TRPC4: variants seen among roughly 807,000 people sequenced by gnomAD.
TRPC4 encodes transient receptor potential cation channel subfamily C member 4, also known as short transient receptor potential channel 4.
A neutral mutation model predicts 99.4 loss-of-function variants in TRPC4; 49 were observed. The observed-to-expected ratio is 0.49, with a 90% CI of 0.39 to 0.63. The LOEUF is 0.63. TRPC4 is among the 20% of genes least tolerant of loss of function. The pLI is 0.00. For missense variants in TRPC4, 898 were observed against 1,152.9 expected, an observed-to-expected ratio of 0.78 and a Z score of 3.20; for synonymous variants, 454 against 425.9, an observed-to-expected ratio of 1.07 and a Z score of -0.81.
chr13:37,802,305 C>T (rs2139435387), intron 1 of TRPC4, among the ~76,000 whole-genome samples: 1 of 152,128 alleles, frequency 6.6e-6, no homozygotes, highest in African/African-American at 2.4e-5. Flanking sequence ...TTATTTTTGT[C>T]TAATATTTTT....
At chr13:37,812,197 C>CAAAAA (rs1156963631) in intron 1 of TRPC4, among the ~76,000 whole-genome samples, 1,181 of 111,076 alleles carry the variant, frequency 0.011, 55 homozygotes, top group Middle Eastern at 0.021. Flanking sequence ...AAAAAAAAAC[C>CAAAAA]AGGAGATCTA....
chr13:37,859,044 C>T (rs1344965254), intron 1 of TRPC4, among the ~76,000 whole-genome samples: 2 of 150,974 alleles, frequency 1.3e-5, no homozygotes, highest in Admixed American at 6.6e-5. Context: ...TCTTGTACCC[C>T]ATAAATACAT....
chr13:37,788,231 C>A (rs1466183298), intron 1 of TRPC4, among the ~76,000 whole-genome samples: 1 of 152,088 alleles, frequency 6.6e-6, no homozygotes, highest in Non-Finnish European at 1.5e-5. Context: ...CCTTCACTCT[C>A]TTTCATACCT....
intron 3 of TRPC4, among the ~76,000 whole-genome samples, chr13:37,736,889 T>C (rs1955413755): frequency 1.5e-5 from 2 of 137,914 alleles, no homozygotes; most frequent in Admixed American, 7.4e-5. Flanking sequence ...CCACTATGCC[T>C]GGCTAATTTT....
intron 4 of TRPC4, among the ~76,000 whole-genome samples, chr13:37,684,384 GATGCC>G: frequency 6.6e-6 from 1 of 152,210 alleles, no homozygotes; most frequent in South Asian, 2.1e-4. Context: ...ACCAAGAAAG[GATGCC>G]ATGTTAGTTT....
intron 5 of TRPC4, among the ~76,000 whole-genome samples, chr13:37,670,377 T>C (rs1368244506): frequency 6.6e-6 from 1 of 152,202 alleles, no homozygotes; most frequent in East Asian, 1.9e-4. Context: ...TCCAGTTCCA[T>C]GACTTAACCA....
intron 1 of TRPC4, among the ~76,000 whole-genome samples, chr13:37,848,863 G>A (rs1223088740): frequency 6.6e-6 from 1 of 152,178 alleles, no homozygotes; most frequent in African/African-American, 2.4e-5. Context: ...GCTTTTGTAG[G>A]TCTATGAAGT....
At chr13:37,642,164 C>T (rs1951734676) in intron 8 of TRPC4, among the ~76,000 whole-genome samples, 1 of 152,054 alleles carries the variant, frequency 6.6e-6, no homozygotes, top group Admixed American at 6.6e-5. Flanking sequence ...TAAGAGAATA[C>T]TTCTGGTAAA....
intron 1 of TRPC4, among the ~76,000 whole-genome samples, chr13:37,865,699 A>G (rs141054587): frequency 6.6e-6 from 1 of 151,902 alleles, no homozygotes; most frequent in East Asian, 1.9e-4. Flanking sequence ...TTAAAAGATT[A>G]TTGATTGTAT....
rs748011538 is a variant in TRPC4, at chr13:37,639,252, A to G, written c.2121+6T>C. The G allele has an allele frequency of 4.3e-6, 7 of 1,613,662 alleles. No individual in the cohort carries two copies. The highest frequency in any genetic ancestry group is 3.3e-5 in the Admixed American group (2 of 59,978). Reference sequence around the variant, plus strand: ...AATTTCAAGACATAGTACAAGGACAACTTACTTGGTATTGGTGATGTCTTC... The same window carrying G: ...AATTTCAAGACATAGTACAAGGACAGCTTACTTGGTATTGGTGATGTCTTC... On this transcript the variant is annotated splice_donor_region_variant and intron_variant, in intron 9 of 10. Coordinates refer to ENST00000379705, the MANE Select transcript of TRPC4 (RefSeq NM_016179.4).
chr13:37,750,228 C>T (rs1456572798), intron 2 of TRPC4, among the ~76,000 whole-genome samples: 1 of 152,016 alleles, frequency 6.6e-6, no homozygotes, highest in African/African-American at 2.4e-5. Context: ...TTGTTAATGA[C>T]ATTTTTATGG....
At chr13:37,658,480 G>A (rs1593451079) in intron 6 of TRPC4, among the ~76,000 whole-genome samples, 1 of 152,064 alleles carries the variant, frequency 6.6e-6, no homozygotes, top group Non-Finnish European at 1.5e-5. Flanking sequence ...AAAACAATGA[G>A]CAAACATAAA....
chr13:37,680,466 A>G (rs1226586135), intron 4 of TRPC4, among the ~76,000 whole-genome samples: 2 of 152,188 alleles, frequency 1.3e-5, no homozygotes, highest in East Asian at 1.9e-4. Flanking sequence ...TGGCTTTTAC[A>G]AAGTATGATT....
intron 1 of TRPC4, among the ~76,000 whole-genome samples, chr13:37,833,381 T>C (rs1479191274): frequency 6.6e-6 from 1 of 152,204 alleles, no homozygotes; most frequent in Non-Finnish European, 1.5e-5. Flanking sequence ...ATTCACCTGA[T>C]TGAAAAGTAC....
intron 1 of TRPC4, among the ~76,000 whole-genome samples, chr13:37,859,713 A>G (rs1959213772): frequency 6.6e-6 from 1 of 151,490 alleles, no homozygotes; most frequent in South Asian, 2.1e-4. Flanking sequence ...TAGTCAACAT[A>G]CAATGAAATG....
intron 1 of TRPC4, among the ~76,000 whole-genome samples, chr13:37,802,982 A>G (rs1957442455): frequency 6.6e-6 from 1 of 151,814 alleles, no homozygotes; most frequent in African/African-American, 2.4e-5. Context: ...TTATTTATTT[A>G]TCCATATCAT....
At chr13:37,678,381 C>CA (rs1038298829) in intron 4 of TRPC4, among the ~76,000 whole-genome samples, 2 of 151,228 alleles carry the variant, frequency 1.3e-5, no homozygotes, top group African/African-American at 4.9e-5. Context: ...GAATGATTAA[C>CA]AAAAAAAGAT....
chr13:37,637,202 G>T lies in TRPC4; in HGVS notation c.2635C>A (p.Pro879Thr), dbSNP rs114600063. The T allele has an allele frequency of 1.2e-6, 2 of 1,613,854 alleles. No individual in the cohort carries two copies. Among genetic ancestry groups the T allele is most frequent in the Non-Finnish European group, 1.7e-6 (2 of 1,179,872 alleles). ...TCCAGTTGAATATTTCTCTCAAGTGGTCCTGCAGCCTGTTGACGAGCAACT... is the reference window on the plus strand; with the variant it reads ...TCCAGTTGAATATTTCTCTCAAGTGTTCCTGCAGCCTGTTGACGAGCAACT... ...EEVARQQAAGPLERNIQLESR... is the reference protein window; with the variant it reads ...EEVARQQAAGTLERNIQLESR... The change falls in exon 11 of 11, where the codon CCA (proline) becomes ACA (threonine). Residue 879 changes from proline to threonine, a missense_variant. Coordinates refer to ENST00000379705, the MANE Select transcript of TRPC4 (RefSeq NM_016179.4).
intron 3 of TRPC4, among the ~76,000 whole-genome samples, chr13:37,695,920 C>T (rs9315509): frequency 0.088 from 13,380 of 152,118 alleles, 842 homozygotes; most frequent in East Asian, 0.3. Flanking sequence ...AAAAAGGAGG[C>T]TAAATCTGGA....
Sources: allele counts gnomAD v4.1 joint callset (sites outside exome capture counted in the v4.1 genomes callset), GRCh38; gene constraint gnomAD v4.1.1; transcripts MANE v1.5; gene names NCBI Gene and HGNC (gene_info 2026-07-23, HGNC 2026-07-21).